OFD1: variants seen among roughly 807,000 people sequenced by gnomAD.
OFD1 encodes the protein centriole and centriolar satellite protein OFD1.
Under a neutral mutation model 81.4 loss-of-function variants are expected in OFD1, and 12 were observed. That is an observed-to-expected ratio of 0.15 (90% CI 0.09 to 0.24). The LOEUF is 0.24. Ranked by LOEUF, OFD1 falls within the 10% of genes least tolerant of loss-of-function variation. The probability of loss-of-function intolerance (pLI) is 1.00; values close to 1 mark genes in which losing one functional copy is unlikely to be tolerated. For missense variants in OFD1, 685 were observed against 733.9 expected (o/e 0.93, Z 0.77); for synonymous variants, 256 against 263.7 (o/e 0.97, Z 0.28).
intron 9 of OFD1, among the ~76,000 whole-genome samples, 158 bp downstream of exon 9, chrX:13,749,691 G>C (rs1017982694): frequency 6.2e-5 from 7 of 112,601 alleles, no homozygotes; most frequent in Admixed American, 3.7e-4. Flanking sequence ...ACAAACACTA[G>C]GGTTTTGTTT....
At chrX:13,767,488 G>C (rs750716199) in intron 20 of OFD1, among the ~76,000 whole-genome samples, 3 of 112,103 alleles carry the variant, frequency 2.7e-5, no homozygotes, top group Non-Finnish European at 5.6e-5. Context: ...TGTAGTAAAG[G>C]ATAGTTTTTG....
chrX:13,743,426 A>G (rs966024744), intron 5 of OFD1, among the ~76,000 whole-genome samples: 16 of 112,469 alleles, frequency 1.4e-4, no homozygotes, highest in African/African-American at 4.8e-4. Flanking sequence ...CAGGTAACCT[A>G]TGTGCAGTGT....
downstream of OFD1, chrX:13,770,906 A>G (rs1481379043): frequency 9.0e-6 from 1 of 111,123 alleles, no homozygotes; most frequent in Non-Finnish European, 1.9e-5. Context: ...GAGAACAAAG[A>G]AAGATAGGAT....
chrX:13,769,653 G>C (rs1401288297), downstream of OFD1, among the ~76,000 whole-genome samples: 2 of 111,186 alleles, frequency 1.8e-5, no homozygotes, highest in African/African-American at 6.5e-5. Context: ...ACCCCCCCGT[G>C]TGATAGAATT....
chrX:13,765,815 A>G (rs2283707), intron 19 of OFD1, among the ~76,000 whole-genome samples: 41,589 of 110,977 alleles, frequency 0.37, 6,391 homozygotes, highest in African/African-American at 0.56. Context: ...TAAAGTATGG[A>G]CCTTGCCTGG....
chrX:13,715,187 T>C, the OFD1 span, among the ~76,000 whole-genome samples: 1 of 113,102 alleles, frequency 8.8e-6, no homozygotes, highest in South Asian at 3.6e-4. Flanking sequence ...ATTAAAAACA[T>C]ATGGGCCAGG....
rs751700372 is a variant in OFD1 at position 13,739,296 on chromosome X, C to CA, written c.412+282dup. ...ATACCCACTGTTGGGAATATTTCTG[C>CA]AAAAAAAAAAAAAAAAAACTAATAA... On this transcript the variant is annotated intron_variant, in intron 5 of 22. Coordinates refer to ENST00000340096, the MANE Select transcript of OFD1 (RefSeq NM_003611.3). 0.1 allele frequency: 10,682 copies of CA among 105,979 alleles called. 64 individuals carry two copies. Among genetic ancestry groups the CA allele is most frequent in the African/African-American group, 0.15 (2,114 of 14,183 alleles). 8.7% of individuals were successfully genotyped at this position (105,979 alleles called of 1,213,427 possible).
chrX:13,766,182 T>A (rs1411484943), intron 19 of OFD1, among the ~76,000 whole-genome samples: 1 of 112,355 alleles, frequency 8.9e-6, no homozygotes, highest in Non-Finnish European at 1.9e-5. Context: ...AGGACTCTTA[T>A]CAGAGCGGAG....
upstream of OFD1, among the ~76,000 whole-genome samples, chrX:13,732,942 G>A (rs1286140962): frequency 8.9e-6 from 1 of 112,433 alleles, no homozygotes. Context: ...GTATGGCATG[G>A]GACATGTCTA....
chrX:13,745,225 A>T (rs971521449), intron 6 of OFD1, among the ~76,000 whole-genome samples: 1 of 112,542 alleles, frequency 8.9e-6, no homozygotes, highest in African/African-American at 3.2e-5. Context: ...AATTAGAAAC[A>T]TATTACTTGC....
intron 5 of OFD1, among the ~76,000 whole-genome samples, chrX:13,740,813 T>C (rs1038146212): frequency 8.5e-5 from 9 of 105,832 alleles, no homozygotes; most frequent in Admixed American, 2.0e-4. Context: ...AAAAAATCTA[T>C]GTAGTTACTA....
intron 12 of OFD1, among the ~76,000 whole-genome samples, chrX:13,756,189 A>C (rs1266794792): frequency 1.8e-5 from 2 of 110,978 alleles, no homozygotes; most frequent in Non-Finnish European, 3.8e-5. Context: ...CCTGAGCTCA[A>C]GCAATCCTCT....
At position 13,760,466 on chromosome X, in the gene OFD1, G is replaced by T; in HGVS notation, c.2006G>T (p.Ser669Ile). 1 of 1,175,953 alleles carries T rather than the reference G, an allele frequency of 8.5e-7. No individual in the cohort carries two copies. The highest frequency in any genetic ancestry group is 1.1e-6 in the Non-Finnish European group (1 of 879,742). ...GCCAAAAGCCCACTAGCAGCAAAGA[G>T]CCCACCATCTCTGCACTTGCTGGAA... is the stretch of plus-strand genomic sequence containing the variant. Reference protein sequence around the residue: ...NSAKSPLAAKSPPSLHLLEAF... With the variant: ...NSAKSPLAAKIPPSLHLLEAF... Residue 669 changes from serine to isoleucine, a missense_variant, in exon 16 of 23, where the codon AGC becomes ATC. Ser to Ile is a moderately radical substitution (Grantham distance 142). This residue lies in a region of OFD1 where 259 missense variants were observed against 254.4 expected (regional missense o/e 1.02). Coordinates refer to ENST00000340096, the MANE Select transcript of OFD1 (RefSeq NM_003611.3).
chrX:13,758,200 C>A, intron 14 of OFD1, 137 bp from the exon 15 acceptor site: 1 of 462,056 alleles, frequency 2.2e-6, no homozygotes, highest in Non-Finnish European at 3.8e-6. Flanking sequence ...TAATAGGGAC[C>A]CTGTTGTTTA....
chrX:13,736,087 T>C (rs1324188226), intron 2 of OFD1: 2 of 764,242 alleles, frequency 2.6e-6, no homozygotes, highest in African/African-American at 4.6e-5. Flanking sequence ...TGTTGAATAT[T>C]TTGGTTATAT....
chrX:13,750,152 GT>G (rs2047448479), intron 9 of OFD1, among the ~76,000 whole-genome samples: 1 of 111,762 alleles, frequency 8.9e-6, no homozygotes, highest in African/African-American at 3.3e-5. Flanking sequence ...CTCCATTAAT[GT>G]TTTTTTCTCA....
chrX:13,760,819 C>T, intron 16 of OFD1, 99 bp downstream of exon 16: 1 of 1,064,095 alleles, frequency 9.4e-7, no homozygotes, highest in Non-Finnish European at 1.3e-6. Flanking sequence ...GCCAGAGTGG[C>T]AAGGTCTAGT....
intron 10 of OFD1, among the ~76,000 whole-genome samples, chrX:13,752,331 G>A (rs765306156): frequency 2.7e-5 from 3 of 112,192 alleles, no homozygotes; most frequent in Non-Finnish European, 5.6e-5. Flanking sequence ...CACATAAAAA[G>A]TGCTCAGTTA....
At chrX:13,731,659 C>T (rs568248552), upstream of OFD1, among the ~76,000 whole-genome samples, 1 of 111,214 alleles carries the variant, frequency 9.0e-6, no homozygotes, top group African/African-American at 3.3e-5. Context: ...GCCAGGGACC[C>T]AGAAAGCACT....
Sources: gnomAD v4.1 joint callset for allele counts (sites outside exome capture counted in the v4.1 genomes callset) on GRCh38, gnomAD v4.1.1 for gene constraint, gnomAD v4.1.1 regional missense constraint, MANE v1.5 for transcripts, NCBI Gene and HGNC (gene_info 2026-07-23, HGNC 2026-07-21) for gene names.